KCNG2: variants seen among roughly 807,000 people sequenced by gnomAD.
KCNG2 encodes the protein potassium voltage-gated channel modifier subfamily G member 2.
In KCNG2, 7 loss-of-function variants were observed where a neutral mutation model predicts 12.3. The ratio of observed to expected loss-of-function variants is 0.57; its 90% CI spans 0.32 to 1.07. The LOEUF is 1.07. Among genes scored for constraint, KCNG2 ranks in the 50% least tolerant of loss-of-function variants. The probability of loss-of-function intolerance (pLI) is 0.04; values close to 1 mark genes in which losing one functional copy is unlikely to be tolerated. For missense variants in KCNG2, 703 were observed against 726.0 expected (o/e 0.97, Z 0.36); for synonymous variants, 414 against 351.4 (o/e 1.18, Z -1.99).
intron 1 of KCNG2, among the ~76,000 whole-genome samples, chr18:79,834,581 TCAAA>T (rs1403708203): frequency 9.2e-5 from 14 of 152,108 alleles, no homozygotes; most frequent in Middle Eastern, 3.2e-3. Flanking sequence ...TTAATGGTAC[TCAAA>T]CAAACAAACA....
intron 1 of KCNG2, among the ~76,000 whole-genome samples, chr18:79,833,909 T>C (rs1045643525): frequency 6.6e-6 from 1 of 152,200 alleles, no homozygotes; most frequent in African/African-American, 2.4e-5. Flanking sequence ...GTGGCGATCC[T>C]TGCTAGAGGG....
At chr18:79,846,234 G>C (rs530999147) in intron 1 of KCNG2, among the ~76,000 whole-genome samples, 1 of 151,676 alleles carries the variant, frequency 6.6e-6, no homozygotes, top group Non-Finnish European at 1.5e-5. Flanking sequence ...TTGGCCAGGC[G>C]TGGTGGCGGG....
At chr18:79,820,043 G>A (rs1273887322) in intron 1 of KCNG2, among the ~76,000 whole-genome samples, 2 of 152,342 alleles carry the variant, frequency 1.3e-5, no homozygotes, top group African/African-American at 2.4e-5. Context: ...TCCGAAGGAG[G>A]TGCGTGTCAG....
intron 1 of KCNG2, among the ~76,000 whole-genome samples, chr18:79,817,411 T>C (rs540251450): frequency 2.5e-4 from 38 of 152,272 alleles, no homozygotes; most frequent in African/African-American, 8.9e-4. Context: ...CGTTATCAGA[T>C]GTGCTTGTCA....
At chr18:79,831,819 G>T (rs919987050) in intron 1 of KCNG2, among the ~76,000 whole-genome samples, 1 of 152,220 alleles carries the variant, frequency 6.6e-6, no homozygotes, top group African/African-American at 2.4e-5. Context: ...TTCAGGATGT[G>T]CCGTCCTCCC....
intron 3 of KCNG2, among the ~76,000 whole-genome samples, chr18:79,872,992 T>C (rs12956204): frequency 0.86 from 130,210 of 152,224 alleles, 59,353 homozygotes; most frequent in Non-Finnish European, 1. Context: ...TCTGATGACA[T>C]AGCAGGAGTG....
At position 79,884,863 on chromosome 18, in the gene KCNG2, C is replaced by T. The variant is rs755132370; in HGVS notation, c.625-14177C>T. ...TTTCCCATTCACAGAAACACAGTAG[C>T]GTGCGCGGGTCGGTGATGCAGCCAA... On this transcript the variant is annotated intron_variant, in intron 3 of 3. Coordinates refer to ENST00000316249, the MANE Select transcript of KCNG2 (RefSeq NM_012283.2). The surrounding 1 kb of genome is among the most constrained non-coding windows in gnomAD (Gnocchi z 5.5). Among the ~76,000 whole-genome samples the T allele has an allele frequency of 4.6e-5, 7 of 152,126 alleles. No homozygotes were observed. Among genetic ancestry groups the T allele is most frequent in the Admixed American group, 1.3e-4 (2 of 15,270 alleles).
intron 1 of KCNG2, among the ~76,000 whole-genome samples, chr18:79,805,665 T>A (rs890802757): frequency 6.6e-6 from 1 of 152,222 alleles, no homozygotes; most frequent in Non-Finnish European, 1.5e-5. Context: ...CCTGGCGCCC[T>A]GCAGGGCTGC....
chr18:79,807,413 C>G (rs550000174), intron 1 of KCNG2, among the ~76,000 whole-genome samples: 29 of 152,296 alleles, frequency 1.9e-4, no homozygotes, highest in South Asian at 8.3e-4. Context: ...ACCCGAGCAC[C>G]CAGCGCCCTC....
intron 3 of KCNG2, among the ~76,000 whole-genome samples, chr18:79,867,429 G>A (rs928517627): frequency 2.2e-5 from 3 of 139,144 alleles, no homozygotes; most frequent in African/African-American, 5.2e-5. Flanking sequence ...TGGGGAAGGA[G>A]TGAGCTCAGC....
chr18:79,805,892 C>T (rs1238693973), intron 1 of KCNG2, among the ~76,000 whole-genome samples: 17 of 152,174 alleles, frequency 1.1e-4, no homozygotes, highest in Non-Finnish European at 2.4e-4. Flanking sequence ...TGCACACACA[C>T]GCGCCTAGGG....
At chr18:79,804,305 T>G (rs1453713373) in intron 1 of KCNG2, among the ~76,000 whole-genome samples, 1 of 152,206 alleles carries the variant, frequency 6.6e-6, no homozygotes, top group Non-Finnish European at 1.5e-5. Context: ...ACTCTGCCCG[T>G]CAGCACCCAC....
intron 3 of KCNG2, among the ~76,000 whole-genome samples, chr18:79,892,138 A>G (rs1980765783): frequency 6.6e-6 from 1 of 150,752 alleles, no homozygotes; most frequent in South Asian, 2.1e-4. Flanking sequence ...AAAACAACAC[A>G]GTGCGGTATT....
At chr18:79,812,635 C>G (rs1271334841) in intron 1 of KCNG2, among the ~76,000 whole-genome samples, 1 of 152,192 alleles carries the variant, frequency 6.6e-6, no homozygotes, top group East Asian at 1.9e-4. Context: ...CCAAGACAGG[C>G]AGATCACTTG....
rs1006129122 is a variant in KCNG2, at chr18:79,822,986, G to A, written c.-115+24972G>A. ...GCACCCCAAGGCTTTAGGAGTCACT[G>A]CCTCTGGAAGGCCCTTCCCACCTCC... is the stretch of plus-strand genomic sequence containing the variant. On this transcript the variant is annotated intron_variant, in intron 1 of 3. Transcript: ENST00000316249. This position sits in a 1 kb window ranked among gnomAD's most constrained non-coding sequence, Gnocchi z 4.4. Among the ~76,000 whole-genome samples, 1 of 152,144 alleles carries A rather than the reference G, an allele frequency of 6.6e-6. No individual in the cohort carries two copies.
chr18:79,881,366 C>T (rs940516626), intron 3 of KCNG2, among the ~76,000 whole-genome samples: 6 of 152,124 alleles, frequency 3.9e-5, no homozygotes, highest in African/African-American at 1.2e-4. Context: ...TGTAGAAACA[C>T]GCCGTATGAT....
chr18:79,847,356 G>T (rs772784140), intron 1 of KCNG2, among the ~76,000 whole-genome samples: 36 of 152,208 alleles, frequency 2.4e-4, no homozygotes, highest in African/African-American at 7.0e-4. Context: ...ATGCCTCCAT[G>T]CCAGGAGCAT....
At chr18:79,810,853 A>C (rs1020454927) in intron 1 of KCNG2, among the ~76,000 whole-genome samples, 1 of 152,232 alleles carries the variant, frequency 6.6e-6, no homozygotes, top group Admixed American at 6.5e-5. Flanking sequence ...CAACCTTAGA[A>C]GCATGAGTCA....
intron 3 of KCNG2, among the ~76,000 whole-genome samples, chr18:79,881,403 A>T (rs1366571959): frequency 2.6e-5 from 4 of 152,248 alleles, no homozygotes; most frequent in Admixed American, 2.6e-4. Context: ...AGAACTGCCT[A>T]TGTAGAAATT....
Sources: gnomAD v4.1 joint callset for allele counts (sites outside exome capture counted in the v4.1 genomes callset) on GRCh38, gnomAD v4.1.1 for gene constraint, Gnocchi (gnomAD v3.1) non-coding constraint, MANE v1.5 for transcripts, NCBI Gene and HGNC (gene_info 2026-07-23, HGNC 2026-07-21) for gene names.